STARD10: variants seen among roughly 807,000 people sequenced by gnomAD.
STARD10 encodes StAR related lipid transfer domain containing 10.
A neutral mutation model predicts 36.0 loss-of-function variants in STARD10; 24 were observed. That is an observed-to-expected ratio of 0.67 (90% CI 0.48 to 0.94). The LOEUF (loss-of-function observed/expected upper bound fraction) is 0.94. Among genes scored for constraint, STARD10 ranks in the 40% least tolerant of loss-of-function variants. The pLI is 0.00. For missense variants in STARD10, 335 were observed against 396.6 expected, an observed-to-expected ratio of 0.84 and a Z score of 1.32; for synonymous variants, 156 against 161.9, an observed-to-expected ratio of 0.96 and a Z score of 0.28.
chr11:72,791,190 G>C (rs1384620231), intron 1 of STARD10, among the ~76,000 whole-genome samples: 1 of 152,196 alleles, frequency 6.6e-6, no homozygotes, highest in Non-Finnish European at 1.5e-5. Flanking sequence ...GAGAGGGGCA[G>C]GGACTCACCT....
chr11:72,757,006 G>T (rs369930296), intron 5 of STARD10, among the ~76,000 whole-genome samples: 10 of 152,084 alleles, frequency 6.6e-5, no homozygotes, highest in African/African-American at 2.2e-4. Flanking sequence ...TTAGCTGGGG[G>T]TGGTGACAGA....
At chr11:72,766,842 C>T (rs1229650827) in intron 2 of STARD10, among the ~76,000 whole-genome samples, 1 of 152,210 alleles carries the variant, frequency 6.6e-6, no homozygotes, top group Non-Finnish European at 1.5e-5. Flanking sequence ...GACAGGTGGA[C>T]CTAAGGCTAA....
At chr11:72,773,288 C>T in intron 2 of STARD10, among the ~76,000 whole-genome samples, 1 of 152,328 alleles carries the variant, frequency 6.6e-6, no homozygotes. Context: ...GGTGGCTGCA[C>T]CCCTCTTGGT....
At chr11:72,755,602 C>G (rs769483010) in intron 6 of STARD10, 99 bp downstream of exon 6, 2 of 1,380,548 alleles carry the variant, frequency 1.4e-6, no homozygotes, top group Non-Finnish European at 2.1e-6. Flanking sequence ...TGAGCCACCA[C>G]GCCTGGCCCT....
rs1326534499 is a variant in STARD10 at position 72,759,243 on chromosome 11, A to T, written c.346T>A (p.Tyr116Asn). ...ARLTVNADVG[Y>N]YSWRCPKPLK... Reference sequence around the variant, plus strand: ...TGCTACGCCTGCTCACAGGAGTAATAGCCCACGTCAGCGTTGACTGTCAAG... The same window carrying T: ...TGCTACGCCTGCTCACAGGAGTAATTGCCCACGTCAGCGTTGACTGTCAAG... Residue 116 changes from tyrosine (Y) to asparagine (N), a missense_variant, in exon 3 of 7, where the codon TAT becomes AAT. By Grantham distance (143) the Tyr-to-Asn change is moderately radical. Transcript: ENST00000334805. 6.2e-7 allele frequency: 1 copy of T among 1,614,098 alleles called. No individual in the cohort carries two copies. Among genetic ancestry groups the T allele is most frequent in the Admixed American group, 1.7e-5 (1 of 60,008 alleles).
At chr11:72,776,130 G>A (rs1366871753) in intron 2 of STARD10, among the ~76,000 whole-genome samples, 3 of 152,130 alleles carry the variant, frequency 2.0e-5, no homozygotes, top group Non-Finnish European at 4.4e-5. Context: ...GGCAGCTCAG[G>A]GCCTAACCCT....
chr11:72,757,528 G>A (rs570957713), intron 5 of STARD10, among the ~76,000 whole-genome samples: 5 of 152,326 alleles, frequency 3.3e-5, no homozygotes, highest in South Asian at 2.1e-4. Context: ...GCATGGGGAC[G>A]GCAGAGCCCA....
intron 5 of STARD10, 74 bp downstream of exon 5, chr11:72,757,693 C>A: frequency 7.3e-7 from 1 of 1,363,860 alleles, no homozygotes; most frequent in Non-Finnish European, 1.0e-6. Context: ...CCTTCTGGAT[C>A]CCTAGTAGAT....
intron 2 of STARD10, chr11:72,780,401 A>G (rs976015527): frequency 1.1e-5 from 5 of 451,412 alleles, no homozygotes; most frequent in Non-Finnish European, 4.5e-6. Flanking sequence ...GGGGTATTGG[A>G]GCCCTGCCTT....
chr11:72,763,849 T>G (rs569088186), intron 2 of STARD10, among the ~76,000 whole-genome samples: 62 of 152,298 alleles, frequency 4.1e-4, no homozygotes, highest in African/African-American at 1.3e-3. Flanking sequence ...GCACTCATTC[T>G]TCACCCTAAA....
chr11:72,759,861 C>CT (rs1437748010), intron 2 of STARD10, among the ~76,000 whole-genome samples: 1 of 149,218 alleles, frequency 6.7e-6, no homozygotes, highest in African/African-American at 2.5e-5. Flanking sequence ...CACCTGTCCT[C>CT]TTATTTGTGG....
intron 2 of STARD10, among the ~76,000 whole-genome samples, chr11:72,779,584 CA>C (rs139069110): frequency 8.9e-5 from 13 of 145,834 alleles, no homozygotes; most frequent in Admixed American, 5.5e-4. Flanking sequence ...TGAGGCTTCT[CA>C]AAAAAAAAAG....
intron 2 of STARD10, among the ~76,000 whole-genome samples, chr11:72,779,248 T>A (rs1858961686): frequency 6.6e-6 from 1 of 152,216 alleles, no homozygotes; most frequent in African/African-American, 2.4e-5. Context: ...CCTTCTCACC[T>A]TTCATTCAAT....
At chr11:72,785,080 C>T (rs552586791) in intron 1 of STARD10, among the ~76,000 whole-genome samples, 1 of 152,120 alleles carries the variant, frequency 6.6e-6, no homozygotes, top group African/African-American at 2.4e-5. Flanking sequence ...TTGTTCACTA[C>T]CCCCTGATGG....
chr11:72,765,816 CAA>C (rs752801080), intron 2 of STARD10, among the ~76,000 whole-genome samples: 4 of 118,128 alleles, frequency 3.4e-5, no homozygotes, highest in Admixed American at 8.2e-5. Context: ...ACTAAAAATA[CAA>C]AAAAAAAAAA....
rs1432003603 is a variant in STARD10, at chr11:72,782,252, A to C, written c.-113-958T>G. 2.0e-5 allele frequency: 3 copies of C among 152,230 alleles called. No individual in the cohort carries two copies. In the East Asian group the frequency reaches 5.8e-4, roughly 30 times the overall value. The allele number at this position is 152,230 out of a possible 1,614,324, so 9.4% of individuals were successfully genotyped here. A position where few individuals can be genotyped will look rare whatever the true frequency, so the allele number is the denominator to read the frequency against. On this transcript the variant is annotated intron_variant, in intron 1 of 6. Transcript: ENST00000334805. ...AAGATGGGCACACACCCCCATGACA[A>C]TCAAGAGACTAACTCGCAGGGATGA...
At chr11:72,765,585 A>G (rs1008167325) in intron 2 of STARD10, among the ~76,000 whole-genome samples, 70 of 152,144 alleles carry the variant, frequency 4.6e-4, no homozygotes, top group African/African-American at 1.6e-3. Context: ...TCATTTCCTC[A>G]TGTGAAAAAT....
At chr11:72,766,078 GT>G (rs1352179597) in intron 2 of STARD10, 1 of 151,886 alleles carries the variant, frequency 6.6e-6, no homozygotes, top group Non-Finnish European at 1.5e-5. Context: ...TTGTTCTACT[GT>G]TTTCCCCCTT....
Position 72,759,354 on chromosome 11 carries a change from C to A in STARD10, c.235G>T (p.Ala79Ser). 6.2e-7 allele frequency: 1 copy of A among 1,613,664 alleles called. No individual in the cohort carries two copies. The highest frequency in any genetic ancestry group is 1.3e-5 in the African/African-American group (1 of 74,848). The change falls in exon 3 of 7, where the codon GCC becomes TCC. Residue 79 changes from alanine to serine, a missense_variant. Ala to Ser is a moderately conservative substitution (Grantham distance 99). Coordinates refer to ENST00000334805, the MANE Select transcript of STARD10 (RefSeq NM_006645.3). Reference protein sequence around the residue: ...KCRMECCDVPAETLYDVLHDI... With the variant: ...KCRMECCDVPSETLYDVLHDI... ...TGTAGGACGTCGTAGAGTGTCTCGG[C>A]TGGCACATCACAGCACTCCATCCGG...
Sources: allele counts gnomAD v4.1 joint callset (sites outside exome capture counted in the v4.1 genomes callset), GRCh38; gene constraint gnomAD v4.1.1; transcripts MANE v1.5; gene names NCBI Gene and HGNC (gene_info 2026-07-23, HGNC 2026-07-21).